Variants in CNTNAP2 observed in about 807,000 individuals in gnomAD.
CNTNAP2 encodes the protein contactin-associated protein-like 2.
A neutral mutation model predicts 155.2 loss-of-function variants in CNTNAP2; 98 were observed. That is an observed-to-expected ratio of 0.63 (90% confidence interval 0.54 to 0.75). The LOEUF (loss-of-function observed/expected upper bound fraction) is 0.75, where lower values mean the gene tolerates loss of function less well. Ranked by LOEUF, CNTNAP2 falls within the 30% of genes least tolerant of loss-of-function variation. CNTNAP2 has a pLI of 0.00. For missense variants in CNTNAP2, 1,727 were observed against 1,688.1 expected, an observed-to-expected ratio of 1.02 and a Z score of -0.40; for synonymous variants, 651 against 631.2, an observed-to-expected ratio of 1.03 and a Z score of -0.47.
intron 1 of CNTNAP2, among the ~76,000 whole-genome samples, chr7:146,622,960 A>G (rs940843739): frequency 2.7e-5 from 4 of 148,610 alleles, no homozygotes; most frequent in East Asian, 1.9e-4. Flanking sequence ...CCATCTCAAA[A>G]AAAAAAAAGA....
intron 8 of CNTNAP2, among the ~76,000 whole-genome samples, chr7:147,265,433 C>T (rs1804585093): frequency 6.6e-6 from 1 of 152,160 alleles, no homozygotes; most frequent in Non-Finnish European, 1.5e-5. Context: ...TGACCCATCC[C>T]TCCTCACTGA....
Position 146,394,891 on chromosome 7 carries a change from C to A in CNTNAP2, c.97+277918C>A, listed in dbSNP as rs1217891381. Among the ~76,000 whole-genome samples, 7 of 152,156 alleles carry A rather than the reference C, an allele frequency of 4.6e-5. No homozygotes were observed. In the South Asian group the frequency reaches 1.5e-3, roughly 32 times the overall value. On this transcript the variant is annotated intron_variant, in intron 1 of 23. Coordinates refer to ENST00000361727, the MANE Select transcript of CNTNAP2 (RefSeq NM_014141.6). ...CACTGGGTAATTTCTCATCTCTCAC[C>A]CCCTCCCACCTGTTTGCATCTCCAG...
chr7:147,043,438 C>A (rs1185628436), intron 3 of CNTNAP2, among the ~76,000 whole-genome samples: 2 of 152,104 alleles, frequency 1.3e-5, no homozygotes, highest in Non-Finnish European at 2.9e-5. Flanking sequence ...AGGTAGAAAA[C>A]CCTGACCTCT....
At chr7:146,455,259 A>G (rs769131190) in intron 1 of CNTNAP2, among the ~76,000 whole-genome samples, 60 of 152,194 alleles carry the variant, frequency 3.9e-4, no homozygotes, top group Non-Finnish European at 5.0e-4. Flanking sequence ...AGAAAACTGT[A>G]TTATGCTTGA....
intron 3 of CNTNAP2, among the ~76,000 whole-genome samples, chr7:146,887,289 C>G (rs372108434): frequency 2.0e-5 from 3 of 151,866 alleles, no homozygotes; most frequent in Non-Finnish European, 4.4e-5. Flanking sequence ...GCTGGGATTA[C>G]GGGCGCCCAC....
At chr7:147,112,255 C>T (rs980238577) in intron 5 of CNTNAP2, among the ~76,000 whole-genome samples, 18 of 152,226 alleles carry the variant, frequency 1.2e-4, no homozygotes, top group South Asian at 4.1e-4. Context: ...AGTTGCTTAT[C>T]GGCTTAAGAA....
At chr7:147,771,077 G>T (rs1422684343) in intron 13 of CNTNAP2, among the ~76,000 whole-genome samples, 1 of 152,086 alleles carries the variant, frequency 6.6e-6, no homozygotes, top group African/African-American at 2.4e-5. Flanking sequence ...TATAACCAAG[G>T]TAGTGACAAA....
At chr7:146,808,783 G>A (rs527572031) in intron 2 of CNTNAP2, among the ~76,000 whole-genome samples, 1 of 152,224 alleles carries the variant, frequency 6.6e-6, no homozygotes, top group African/African-American at 2.4e-5. Flanking sequence ...CCACTTATAA[G>A]TGAGATTGAT....
chr7:146,178,826 G>A (rs1282341798), intron 1 of CNTNAP2, among the ~76,000 whole-genome samples: 1 of 152,114 alleles, frequency 6.6e-6, no homozygotes, highest in East Asian at 1.9e-4. Context: ...AGTTGGGTCT[G>A]CTTATTACTA....
chr7:147,552,241 T>C (rs1204446931), intron 11 of CNTNAP2, among the ~76,000 whole-genome samples: 1 of 152,188 alleles, frequency 6.6e-6, no homozygotes, highest in Non-Finnish European at 1.5e-5. Flanking sequence ...GGAAACGGCC[T>C]GTTTCATTTT....
chr7:147,480,692 C>T (rs770304073), intron 10 of CNTNAP2, among the ~76,000 whole-genome samples: 1 of 152,190 alleles, frequency 6.6e-6, no homozygotes, highest in Non-Finnish European at 1.5e-5. Flanking sequence ...TTAGCCCTGG[C>T]TGCAGGCTGT....
At chr7:147,551,977 G>A (rs373717860) in intron 11 of CNTNAP2, among the ~76,000 whole-genome samples, 97 of 152,176 alleles carry the variant, frequency 6.4e-4, no homozygotes, top group African/African-American at 2.2e-3. Flanking sequence ...AGAGTGCTTG[G>A]CCAAAGTAAA....
chr7:147,464,465 TAAA>T (rs71183005), intron 10 of CNTNAP2, among the ~76,000 whole-genome samples: 1 of 65,954 alleles, frequency 1.5e-5, no homozygotes, highest in African/African-American at 6.2e-5. Context: ...AGACTCCATC[TAAA>T]AAAAAAAAAA....
chr7:146,169,732 G>T (rs1798361927), intron 1 of CNTNAP2, among the ~76,000 whole-genome samples: 1 of 149,772 alleles, frequency 6.7e-6, no homozygotes, highest in African/African-American at 2.5e-5. Context: ...GTCTTTCCAT[G>T]TCTGGTTTAT....
chr7:146,943,893 A>T (rs1268136231), intron 3 of CNTNAP2, among the ~76,000 whole-genome samples: 1 of 152,192 alleles, frequency 6.6e-6, no homozygotes, highest in Non-Finnish European at 1.5e-5. Context: ...GCATTTTAGG[A>T]GGATACTGAC....
Position 148,377,847 on chromosome 7 carries a change from G to A in CNTNAP2, c.3476-5802G>A, listed in dbSNP as rs1367295796. Among the ~76,000 whole-genome samples the A allele has an allele frequency of 1.2e-4, 8 of 67,544 alleles. 3 individuals carry two copies. The highest frequency in any genetic ancestry group is 2.9e-4 in the African/African-American group (8 of 27,508). The allele number at this position is 67,544 out of a possible 152,430, so 44.3% of individuals were successfully genotyped here. ...AAGTGATATGCGTTCAGTAGAAACC[G>A]TACTTTGAATACCCATACAACCATT... On this transcript the variant is annotated intron_variant, in intron 21 of 23. Transcript: ENST00000361727.
chr7:147,608,018 A>G (rs1417362025), intron 12 of CNTNAP2, among the ~76,000 whole-genome samples: 1 of 152,108 alleles, frequency 6.6e-6, no homozygotes, highest in African/African-American at 2.4e-5. Context: ...TATTTTGTGT[A>G]TCTTCTTCCC....
At chr7:147,986,742 T>A (rs1436170056) in intron 15 of CNTNAP2, among the ~76,000 whole-genome samples, 1 of 152,090 alleles carries the variant, frequency 6.6e-6, no homozygotes. Context: ...GCTGAGTGGG[T>A]ATCAGAACTC....
At chr7:148,072,053 C>A (rs1344678164) in intron 15 of CNTNAP2, among the ~76,000 whole-genome samples, 2 of 152,186 alleles carry the variant, frequency 1.3e-5, no homozygotes, top group East Asian at 1.9e-4. Flanking sequence ...GGCAATAATT[C>A]ATGGCATCTC....
Sources: gnomAD v4.1 joint callset for allele counts (sites outside exome capture counted in the v4.1 genomes callset) on GRCh38, gnomAD v4.1.1 for gene constraint, MANE v1.5 for transcripts, NCBI Gene and HGNC (gene_info 2026-07-23, HGNC 2026-07-21) for gene names.